DCAF5: variants seen among roughly 807,000 people sequenced by gnomAD.
DCAF5 encodes the protein DDB1- and CUL4-associated factor 5.
Under a neutral mutation model 80.7 loss-of-function variants are expected in DCAF5, and 9 were observed. That is an observed-to-expected ratio of 0.11 (90% confidence interval 0.07 to 0.19). The LOEUF is 0.19. DCAF5 is among the 10% of genes least tolerant of loss of function. The probability of loss-of-function intolerance (pLI) is 1.00; values close to 1 mark genes in which losing one functional copy is unlikely to be tolerated. For missense variants in DCAF5, 842 were observed against 1,205.7 expected (o/e 0.70, Z 4.47); for synonymous variants, 433 against 461.9 (o/e 0.94, Z 0.80).
intron 1 of DCAF5, among the ~76,000 whole-genome samples, chr14:69,139,362 G>T (rs554748341): frequency 1.3e-5 from 2 of 151,854 alleles, no homozygotes; most frequent in South Asian, 4.2e-4. Context: ...TGCACACATA[G>T]GTGTACATCA....
At chr14:69,089,063 G>A (rs1386846357) in intron 6 of DCAF5, 1 of 152,364 alleles carries the variant, frequency 6.6e-6, no homozygotes, top group East Asian at 1.9e-4. Context: ...CCTCCTAATT[G>A]GATGAATTAT....
In DCAF5 at chr14:69,095,978, T is replaced by C. The variant is rs147453379; in HGVS notation, c.666-4091A>G. On this transcript the variant is annotated intron_variant, in intron 5 of 8. Coordinates refer to ENST00000341516, the MANE Select transcript of DCAF5 (RefSeq NM_003861.3). ...AGAGAGAGAAAAGCAAGGTCCTTTCTATGGGAGAAAGTCTCTCCCCATCAC... is the reference window on the plus strand; with the variant it reads ...AGAGAGAGAAAAGCAAGGTCCTTTCCATGGGAGAAAGTCTCTCCCCATCAC... 6.0e-3 allele frequency among the ~76,000 whole-genome samples: 907 copies of C among 152,292 alleles called. 11 individuals are homozygous for C. Among genetic ancestry groups the C allele is most frequent in the African/African-American group, 0.02 (843 of 41,556 alleles).
chr14:69,061,903 C>T lies in DCAF5; in HGVS notation c.1074+481G>A, dbSNP rs932139053. Among the ~76,000 whole-genome samples the T allele has an allele frequency of 2.0e-5, 3 of 152,100 alleles. No individual in the cohort carries two copies. In the East Asian group the frequency reaches 5.8e-4, roughly 29 times the overall value. ...GTACAGTGGTGCATGCCTGTAGTTC[C>T]AGCTACTTTGGGGGGCTCAGGCAGA... On this transcript the variant is annotated intron_variant, in intron 8 of 8. Coordinates refer to ENST00000341516, the MANE Select transcript of DCAF5 (RefSeq NM_003861.3).
At chr14:69,131,001 C>A (rs1357238331) in intron 1 of DCAF5, among the ~76,000 whole-genome samples, 1 of 152,034 alleles carries the variant, frequency 6.6e-6, no homozygotes, top group African/African-American at 2.4e-5. Context: ...AGCACTTAGC[C>A]CAGTGTGATA....
At chr14:69,069,114 A>G (rs1286846460) in intron 7 of DCAF5, among the ~76,000 whole-genome samples, 1 of 152,248 alleles carries the variant, frequency 6.6e-6, no homozygotes, top group East Asian at 1.9e-4. Context: ...GAAAAAGCAG[A>G]TACCTAGGCC....
chr14:69,144,424 T>A (rs578086612), intron 1 of DCAF5, among the ~76,000 whole-genome samples: 1 of 151,744 alleles, frequency 6.6e-6, no homozygotes, highest in African/African-American at 2.4e-5. Flanking sequence ...TACAAAAAAT[T>A]AGCTGGGCGT....
intron 7 of DCAF5, among the ~76,000 whole-genome samples, chr14:69,067,337 C>A: frequency 8.7e-6 from 1 of 115,124 alleles, no homozygotes; most frequent in South Asian, 2.7e-4. Context: ...GATTTCGTAT[C>A]TTTTTTTTTT....
chr14:69,055,658 T>C lies in DCAF5; in HGVS notation c.1075-47A>G. On this transcript the variant is annotated intron_variant, in intron 8 of 8. Coordinates refer to ENST00000341516, the MANE Select transcript of DCAF5 (RefSeq NM_003861.3). The surrounding 1 kb of genome is among the most constrained non-coding windows in gnomAD (Gnocchi z 5.6). The stretch of plus-strand genomic sequence containing the variant: ...AAAGCAACAAGGAGTAACTGGAAAG[T>C]ATTCTTTCACTGGTGGTGATAAAGA... 2.6e-6 allele frequency: 4 copies of C among 1,542,736 alleles called. No individual in the cohort carries two copies. Among genetic ancestry groups the C allele is most frequent in the East Asian group, 2.3e-5 (1 of 43,972 alleles).
chr14:69,108,191 C>T (rs1402449905), intron 5 of DCAF5, among the ~76,000 whole-genome samples: 2 of 152,194 alleles, frequency 1.3e-5, no homozygotes, highest in Non-Finnish European at 2.9e-5. Flanking sequence ...GGGACAGCTG[C>T]ATTCATTCAA....
At position 69,141,361 on chromosome 14, in the gene DCAF5, T is replaced by G. The variant is rs1378097391; in HGVS notation, c.214+11404A>C. ...CTGGGACCTTTTTTTTTCTTTTTCT[T>G]TTATTATTATACTTTAAGTTCTAGG... On this transcript the variant is annotated intron_variant, in intron 1 of 8. Coordinates refer to ENST00000341516, the MANE Select transcript of DCAF5 (RefSeq NM_003861.3). 2.6e-5 allele frequency among the ~76,000 whole-genome samples: 4 copies of G among 152,042 alleles called. No homozygotes were observed. In the East Asian group the frequency reaches 7.7e-4, roughly 29 times the overall value.
chr14:69,153,109 G>A lies in DCAF5; in HGVS notation c.-131C>T, dbSNP rs896772374. Reference sequence around the variant, plus strand: ...GTTCTTTAACCAGCCATGGCAGGCAGAGCGAGGTGTGCAGACACTCGGCGG... The same window carrying A: ...GTTCTTTAACCAGCCATGGCAGGCAAAGCGAGGTGTGCAGACACTCGGCGG... On this transcript the variant is annotated 5_prime_UTR_variant, in exon 1 of 9. Coordinates refer to ENST00000341516, the MANE Select transcript of DCAF5 (RefSeq NM_003861.3). The A allele has an allele frequency of 9.6e-5, 66 of 689,802 alleles. No individual in the cohort carries two copies. The highest frequency in any genetic ancestry group is 6.5e-4 in the East Asian group (19 of 29,312). 42.7% of individuals were successfully genotyped at this position (689,802 alleles called of 1,614,324 possible).
intron 6 of DCAF5, chr14:69,084,684 T>C (rs1594967291): frequency 7.9e-6 from 10 of 1,269,814 alleles, no homozygotes; most frequent in Non-Finnish European, 2.2e-6. Flanking sequence ...TCATCTTGTA[T>C]GTCCGTGAAA....
chr14:69,055,642 A>C lies in DCAF5; in HGVS notation c.1075-31T>G. 6.4e-7 allele frequency: 1 copy of C among 1,566,602 alleles called. No individual in the cohort carries two copies. The highest frequency in any genetic ancestry group is 8.7e-7 in the Non-Finnish European group (1 of 1,150,248). On this transcript the variant is annotated intron_variant, in intron 8 of 8. Coordinates refer to ENST00000341516, the MANE Select transcript of DCAF5 (RefSeq NM_003861.3). This position sits in a 1 kb window ranked among gnomAD's most constrained non-coding sequence, Gnocchi z 5.6. ...CAGAAAATGAAAAACAAAAGCAACAAGGAGTAACTGGAAAGTATTCTTTCA... is the reference window on the plus strand; with the variant it reads ...CAGAAAATGAAAAACAAAAGCAACACGGAGTAACTGGAAAGTATTCTTTCA...
chr14:69,110,397 C>G (rs2040317874), intron 5 of DCAF5, among the ~76,000 whole-genome samples: 2 of 151,632 alleles, frequency 1.3e-5, no homozygotes, highest in Admixed American at 1.3e-4. Context: ...TCCCAAGTAG[C>G]TGGGATTACA....
At chr14:69,139,869 G>A (rs1480302141) in intron 1 of DCAF5, among the ~76,000 whole-genome samples, 13 of 147,394 alleles carry the variant, frequency 8.8e-5, no homozygotes, top group Non-Finnish European at 1.5e-5. Flanking sequence ...AGGAAGGGAA[G>A]GAGGGAGGAA....
intron 1 of DCAF5, among the ~76,000 whole-genome samples, chr14:69,134,834 T>C (rs1173905520): frequency 6.6e-6 from 1 of 152,194 alleles, no homozygotes; most frequent in African/African-American, 2.4e-5. Flanking sequence ...GGTCCAAGTG[T>C]AAATAAGCTG....
intron 5 of DCAF5, among the ~76,000 whole-genome samples, chr14:69,097,448 A>AT (rs1218810252): frequency 6.6e-6 from 1 of 152,108 alleles, no homozygotes; most frequent in Non-Finnish European, 1.5e-5. Flanking sequence ...ACCCACATTA[A>AT]TTTAGCATAA....
At chr14:69,113,837 A>C (rs1264536467) in intron 5 of DCAF5, among the ~76,000 whole-genome samples, 1 of 152,118 alleles carries the variant, frequency 6.6e-6, no homozygotes, top group Non-Finnish European at 1.5e-5. Context: ...CACCCATAAA[A>C]CCTTGTAGAA....
chr14:69,061,192 A>G (rs1274092212), intron 8 of DCAF5, among the ~76,000 whole-genome samples: 2 of 151,942 alleles, frequency 1.3e-5, no homozygotes, highest in East Asian at 1.9e-4. Flanking sequence ...ACGTCCCACT[A>G]TGTTGCCCAG....
Sources: gnomAD v4.1 joint callset for allele counts (sites outside exome capture counted in the v4.1 genomes callset) on GRCh38, gnomAD v4.1.1 for gene constraint, Gnocchi (gnomAD v3.1) non-coding constraint, MANE v1.5 for transcripts, NCBI Gene and HGNC (gene_info 2026-07-23, HGNC 2026-07-21) for gene names.